SYNCRIP: variants seen among roughly 807,000 people sequenced by gnomAD.
The protein encoded by SYNCRIP is synaptotagmin binding cytoplasmic RNA interacting protein.
In SYNCRIP, 9 loss-of-function variants were observed where a neutral mutation model predicts 68.9. The observed-to-expected ratio is 0.13, with a 90% confidence interval of 0.08 to 0.23. The LOEUF is 0.23. Ranked by LOEUF, SYNCRIP falls within the 10% of genes least tolerant of loss-of-function variation. The probability of loss-of-function intolerance (pLI) is 1.00; values close to 1 mark genes in which losing one functional copy is unlikely to be tolerated. For synonymous variants in SYNCRIP, 258 were observed against 254.0 expected (o/e 1.02, Z -0.15); for missense variants, 414 against 770.6 (o/e 0.54, Z 5.48).
chr6:85,620,656 A>C (rs982257777), intron 8 of SYNCRIP, among the ~76,000 whole-genome samples: 4 of 152,354 alleles, frequency 2.6e-5, no homozygotes, highest in Middle Eastern at 6.8e-3. Context: ...GACTTTAGGT[A>C]ATCAATCTAC....
At chr6:85,636,941 C>G (rs770754419) in intron 6 of SYNCRIP, 26 bp downstream of exon 6, 4 of 1,560,844 alleles carry the variant, frequency 2.6e-6, no homozygotes, top group African/African-American at 1.4e-5. Flanking sequence ...AACGTGAAAA[C>G]TGAAGGGGAA....
chr6:85,627,465 C>G (rs761240605), intron 6 of SYNCRIP, among the ~76,000 whole-genome samples: 26 of 151,868 alleles, frequency 1.7e-4, no homozygotes, highest in Non-Finnish European at 2.8e-4. Context: ...TTTTTTTGTA[C>G]GTGTATTTGA....
At chr6:85,626,991 C>T (rs915268896) in intron 6 of SYNCRIP, among the ~76,000 whole-genome samples, 7 of 152,050 alleles carry the variant, frequency 4.6e-5, no homozygotes, top group African/African-American at 1.4e-4. Flanking sequence ...TTGGGCCAGG[C>T]GCGGTGGCTC....
At chr6:85,641,955 C>A (rs1428544662) in intron 1 of SYNCRIP, among the ~76,000 whole-genome samples, 1 of 152,178 alleles carries the variant, frequency 6.6e-6, no homozygotes, top group African/African-American at 2.4e-5. Context: ...CCCCAAAGCC[C>A]GCCCCTGACT....
chr6:85,628,765 A>G (rs980930356), intron 6 of SYNCRIP, among the ~76,000 whole-genome samples: 1 of 152,212 alleles, frequency 6.6e-6, no homozygotes, highest in Non-Finnish European at 1.5e-5. Flanking sequence ...AGTCAATTCC[A>G]TCTTGGTAGA....
chr6:85,638,728 T>C (rs1254119513), intron 4 of SYNCRIP, among the ~76,000 whole-genome samples: 1 of 152,168 alleles, frequency 6.6e-6, no homozygotes, highest in East Asian at 1.9e-4. Context: ...ACTAAATGAG[T>C]AATAGCTCAT....
In SYNCRIP at chr6:85,634,580, TG is replaced by T. The variant is rs763376645; in HGVS notation, c.666+2386del. On this transcript the variant is annotated intron_variant, in intron 6 of 10. Coordinates refer to ENST00000369622, the MANE Select transcript of SYNCRIP (RefSeq NM_006372.5). ...AACATTCTCTCATACACTGGTGTGT[TG>T]TTTTTTTTTTTTATTGGGTTTTTTG... 7.6e-3 allele frequency among the ~76,000 whole-genome samples: 1,011 copies of T among 132,928 alleles called. 10 individuals carry two copies. Among genetic ancestry groups the T allele is most frequent in the Non-Finnish European group, 0.013 (713 of 56,900 alleles). The allele number at this position is 132,928 out of a possible 152,430, so 87.2% of individuals were successfully genotyped here.
rs751686987 is a variant in SYNCRIP, at chr6:85,619,435, C to G, written c.1009-18G>C. 6.2e-7 allele frequency: 1 copy of G among 1,605,912 alleles called. No homozygotes were observed. Among genetic ancestry groups the G allele is most frequent in the Non-Finnish European group, 8.5e-7 (1 of 1,177,080 alleles). ...ACTTTTACCTAGGGGGAAGAAAATA[C>G]CCCCCTGTATTATTTCCAAAGAGTT... On this transcript the variant is annotated intron_variant, in intron 8 of 10. Coordinates refer to ENST00000369622, the MANE Select transcript of SYNCRIP (RefSeq NM_006372.5).
At chr6:85,634,633 G>A (rs9450307) in intron 6 of SYNCRIP, among the ~76,000 whole-genome samples, 18,060 of 151,648 alleles carry the variant, frequency 0.12, 1,656 homozygotes, top group African/African-American at 0.26. Flanking sequence ...TCAGCTAGCT[G>A]AAACTGTGAA....
chr6:85,615,017 A>G lies in SYNCRIP; in HGVS notation c.1611T>C (p.Gly537=), dbSNP rs747164196. 1 of 1,613,522 alleles carries G rather than the reference A, an allele frequency of 6.2e-7. No homozygotes were observed. Among genetic ancestry groups the G allele is most frequent in the African/African-American group, 1.3e-5 (1 of 74,764 alleles). The change falls in exon 11 of 11, where the codon GGT becomes GGC. Residue 537 remains glycine (G), a synonymous_variant. Coordinates refer to ENST00000369622, the MANE Select transcript of SYNCRIP (RefSeq NM_006372.5). The part of the protein sequence containing the change: ...GGPGSARGVR[G]ARGGAQQQRG... ...TTTGTTGTTGGGCACCTCCTCTCGC[A>G]CCTCGAACGCCTCTTGCTGATCCAG...
chr6:85,637,815 C>T (rs558114259), intron 4 of SYNCRIP, among the ~76,000 whole-genome samples: 1 of 152,288 alleles, frequency 6.6e-6, no homozygotes, highest in South Asian at 2.1e-4. Context: ...GAAGAAATTA[C>T]ACTTCCCATA....
intron 2 of SYNCRIP, among the ~76,000 whole-genome samples, 154 bp from the exon 3 acceptor site, chr6:85,640,718 T>C (rs1809033593): frequency 1.3e-5 from 2 of 151,570 alleles, no homozygotes; most frequent in Admixed American, 6.6e-5. Flanking sequence ...TCAGCCACTC[T>C]GAACTGAATC....
downstream of SYNCRIP, chr6:85,613,919 C>CT (rs1196557356): frequency 2.1e-6 from 2 of 959,772 alleles, no homozygotes; most frequent in African/African-American, 3.5e-5. Context: ...TGAATTTGTC[C>CT]TTTTATACAG....
intron 6 of SYNCRIP, among the ~76,000 whole-genome samples, chr6:85,629,182 T>G (rs1333604837): frequency 6.6e-6 from 1 of 152,112 alleles, no homozygotes; most frequent in East Asian, 1.9e-4. Context: ...TTCAACTAGA[T>G]TCACCTTTTT....
chr6:85,642,306 G>A (rs1425525477), intron 1 of SYNCRIP, among the ~76,000 whole-genome samples: 1 of 152,108 alleles, frequency 6.6e-6, no homozygotes, highest in East Asian at 1.9e-4. Flanking sequence ...CGGCCGAGAC[G>A]TGACCCGTGG....
At chr6:85,630,215 A>G (rs763330385) in intron 6 of SYNCRIP, among the ~76,000 whole-genome samples, 1 of 151,842 alleles carries the variant, frequency 6.6e-6, no homozygotes, top group South Asian at 2.1e-4. Context: ...CAAAAAAATT[A>G]GCCGGGTGTG....
chr6:85,614,708 T>C lies in SYNCRIP; in HGVS notation c.*48A>G. The C allele has an allele frequency of 2.0e-6, 3 of 1,509,156 alleles. No homozygotes were observed. The highest frequency in any genetic ancestry group is 2.7e-6 in the Non-Finnish European group (3 of 1,130,266). 93.5% of individuals were successfully genotyped at this position (1,509,156 alleles called of 1,614,324 possible). ...GGCACCCGTTCAGATTTAGGGTGAG[T>C]TTCTGATCAACCTATCAGTCTCCAA... is the stretch of plus-strand genomic sequence containing the variant. On this transcript the variant is annotated 3_prime_UTR_variant, in exon 11 of 11. Coordinates refer to ENST00000369622, the MANE Select transcript of SYNCRIP (RefSeq NM_006372.5).
chr6:85,640,438 A>C lies in SYNCRIP; in HGVS notation c.267+8T>G. 6.3e-7 allele frequency: 1 copy of C among 1,595,712 alleles called. No individual in the cohort carries two copies. On this transcript the variant is annotated splice_region_variant and intron_variant, in intron 3 of 10. Coordinates refer to ENST00000369622, the MANE Select transcript of SYNCRIP (RefSeq NM_006372.5). Reference sequence around the variant, plus strand: ...ATTTTTTAATTTTCACATTGACATTAACATTACCTGAACATGAGAGAGATC... The same window carrying C: ...ATTTTTTAATTTTCACATTGACATTCACATTACCTGAACATGAGAGAGATC...
chr6:85,630,613 A>C (rs946215452), intron 6 of SYNCRIP, among the ~76,000 whole-genome samples: 2 of 152,178 alleles, frequency 1.3e-5, no homozygotes, highest in Non-Finnish European at 2.9e-5. Flanking sequence ...TAGGTAGGTA[A>C]GGGAAGAAAG....
Sources: allele counts gnomAD v4.1 joint callset (sites outside exome capture counted in the v4.1 genomes callset), GRCh38; gene constraint gnomAD v4.1.1; transcripts MANE v1.5; gene names NCBI Gene and HGNC (gene_info 2026-07-23, HGNC 2026-07-21).